Variants in PRMT8 observed in about 807,000 individuals in gnomAD.
PRMT8 encodes protein arginine methyltransferase 8.
In PRMT8, 7 loss-of-function variants were observed where a neutral mutation model predicts 47.1. The ratio of observed to expected loss-of-function variants is 0.15; its 90% CI spans 0.08 to 0.28. The LOEUF (loss-of-function observed/expected upper bound fraction) is 0.28, where lower values mean the gene tolerates loss of function less well. Among genes scored for constraint, PRMT8 ranks in the 10% least tolerant of loss-of-function variants. The pLI is 1.00. For missense variants in PRMT8, 237 were observed against 505.4 expected, an observed-to-expected ratio of 0.47 and a Z score of 5.09; for synonymous variants, 188 against 186.5, an observed-to-expected ratio of 1.01 and a Z score of -0.07.
chr12:3,535,260 C>T lies in PRMT8; in HGVS notation c.76-5346C>T, dbSNP rs928750487. 1.3e-5 allele frequency among the ~76,000 whole-genome samples: 2 copies of T among 152,190 alleles called. No individual in the cohort carries two copies. The highest frequency in any genetic ancestry group is 1.3e-4 in the Admixed American group (2 of 15,284). On this transcript the variant is annotated intron_variant, in intron 1 of 9. Coordinates refer to ENST00000382622, the MANE Select transcript of PRMT8 (RefSeq NM_019854.5). This position sits in a 1 kb window ranked among gnomAD's most constrained non-coding sequence, Gnocchi z 4.7. Reference sequence around the variant, plus strand: ...CTTTCATCTCTGCATTTAGTGGGCCCGAGGCCTGTTCACCCCAGTAGAGTG... The same window carrying T: ...CTTTCATCTCTGCATTTAGTGGGCCTGAGGCCTGTTCACCCCAGTAGAGTG...
At chr12:3,581,700 C>T (rs1867069277) in intron 7 of PRMT8, among the ~76,000 whole-genome samples, 1 of 152,182 alleles carries the variant, frequency 6.6e-6, no homozygotes. Flanking sequence ...CCACATTCCC[C>T]TAAACCTACA....
At chr12:3,536,905 T>G (rs1311244966) in intron 1 of PRMT8, among the ~76,000 whole-genome samples, 1 of 152,232 alleles carries the variant, frequency 6.6e-6, no homozygotes, top group Non-Finnish European at 1.5e-5. Flanking sequence ...GTTTAATGTC[T>G]CACTTTGTGG....
At chr12:3,528,065 C>T (rs1174489872) in intron 1 of PRMT8, among the ~76,000 whole-genome samples, 3 of 152,116 alleles carry the variant, frequency 2.0e-5, no homozygotes, top group Non-Finnish European at 4.4e-5. Context: ...CCCTCTACCC[C>T]TGCCACTTTT....
At chr12:3,477,490 G>A (rs9634150) in intron 1 of PRMT8, among the ~76,000 whole-genome samples, 115,388 of 152,206 alleles carry the variant, frequency 0.76, 44,007 homozygotes, top group Middle Eastern at 0.86. Flanking sequence ...CAAGCACCTG[G>A]ATTTTCTTGC....
intron 1 of PRMT8, among the ~76,000 whole-genome samples, chr12:3,413,296 G>A (rs1318759598): frequency 6.6e-6 from 1 of 152,186 alleles, no homozygotes; most frequent in African/African-American, 2.4e-5. Context: ...CTGCCATATA[G>A]GATGTGTCTT....
chr12:3,561,402 G>T (rs1038906681), intron 4 of PRMT8, among the ~76,000 whole-genome samples: 1 of 152,202 alleles, frequency 6.6e-6, no homozygotes, highest in Non-Finnish European at 1.5e-5. Context: ...TATCTGGTTG[G>T]TGGATGTTTT....
At chr12:3,484,525 T>G (rs1865304558) in intron 1 of PRMT8, among the ~76,000 whole-genome samples, 1 of 152,242 alleles carries the variant, frequency 6.6e-6, no homozygotes, top group South Asian at 2.1e-4. Context: ...AAAAGGAAAC[T>G]CACCTGTGTT....
At chr12:3,522,781 A>G (rs1865899552) in intron 1 of PRMT8, among the ~76,000 whole-genome samples, 2 of 150,036 alleles carry the variant, frequency 1.3e-5, no homozygotes, top group African/African-American at 4.9e-5. Flanking sequence ...AAACTGGAAA[A>G]CAAACAAACA....
In PRMT8 at chr12:3,572,458, ATG is replaced by A. The variant is rs1866863396; in HGVS notation, c.712+2895_712+2896del. ...TGCATGAATCTACACCCTGCTGAGA[ATG>A]AGAGAGATGGGCACCAGTTTCTTGG... On this transcript the variant is annotated intron_variant, in intron 6 of 9. Coordinates refer to ENST00000382622, the MANE Select transcript of PRMT8 (RefSeq NM_019854.5). The surrounding 1 kb of genome is among the most constrained non-coding windows in gnomAD (Gnocchi z 5.9). Among the ~76,000 whole-genome samples, 2 of 152,350 alleles carry A rather than the reference ATG, an allele frequency of 1.3e-5. No individual in the cohort carries two copies. Among genetic ancestry groups the A allele is most frequent in the African/African-American group, 4.8e-5 (2 of 41,594 alleles).
At chr12:3,479,201 A>G (rs1865248647) in intron 1 of PRMT8, among the ~76,000 whole-genome samples, 1 of 152,178 alleles carries the variant, frequency 6.6e-6, no homozygotes, top group African/African-American at 2.4e-5. Flanking sequence ...GTTTGAGAAA[A>G]CCAAGTGGGA....
At chr12:3,395,746 A>G (rs1338235213) in intron 1 of PRMT8, among the ~76,000 whole-genome samples, 3 of 149,850 alleles carry the variant, frequency 2.0e-5, no homozygotes, top group Admixed American at 6.6e-5. Flanking sequence ...TGCAGAGCTG[A>G]GTTCAATTCC....
rs1463800784 is a variant in PRMT8, at chr12:3,569,616, G to T, written c.712+52G>T. ...GACTTCCACTGCACAATTGGGGTGGGAGGCACTCCAGTGGGCCCGAGATGA... is the reference window on the plus strand; with the variant it reads ...GACTTCCACTGCACAATTGGGGTGGTAGGCACTCCAGTGGGCCCGAGATGA... On this transcript the variant is annotated intron_variant, in intron 6 of 9. Transcript: ENST00000382622. This position sits in a 1 kb window ranked among gnomAD's most constrained non-coding sequence, Gnocchi z 8.2. 1 of 1,468,014 alleles carries T rather than the reference G, an allele frequency of 6.8e-7. No homozygotes were observed. 90.9% of individuals were successfully genotyped at this position (1,468,014 alleles called of 1,614,324 possible).
At chr12:3,428,282 G>C (rs976229273) in intron 1 of PRMT8, among the ~76,000 whole-genome samples, 2 of 150,936 alleles carry the variant, frequency 1.3e-5, no homozygotes, top group African/African-American at 2.4e-5. Flanking sequence ...CCCTATACTT[G>C]AAGATTTTTA....
upstream of PRMT8, among the ~76,000 whole-genome samples, chr12:3,486,815 G>GT (rs1865327712): frequency 1.3e-5 from 2 of 152,212 alleles, no homozygotes; most frequent in Admixed American, 1.3e-4. Flanking sequence ...AAAGCAAATA[G>GT]TATCATATCC....
In PRMT8 at chr12:3,535,002, A is replaced by G. The variant is rs141753511; in HGVS notation, c.76-5604A>G. Among the ~76,000 whole-genome samples the G allele has an allele frequency of 1.6e-3, 240 of 152,384 alleles. No homozygotes were observed. The highest frequency in any genetic ancestry group is 5.5e-3 in the African/African-American group (227 of 41,598). On this transcript the variant is annotated intron_variant, in intron 1 of 9. Transcript: ENST00000382622. This position sits in a 1 kb window ranked among gnomAD's most constrained non-coding sequence, Gnocchi z 4.7. ...TGTCTATCTATAAAGTGCTTGGCGCAGCGCCTGGGGCGCAGTGGGCCCTTA... is the reference window on the plus strand; with the variant it reads ...TGTCTATCTATAAAGTGCTTGGCGCGGCGCCTGGGGCGCAGTGGGCCCTTA...
intron 4 of PRMT8, among the ~76,000 whole-genome samples, chr12:3,562,722 G>A (rs1866657728): frequency 6.6e-6 from 1 of 152,184 alleles, no homozygotes; most frequent in Non-Finnish European, 1.5e-5. Context: ...ATTGGCGGAT[G>A]CTACAAACCG....
intron 1 of PRMT8, among the ~76,000 whole-genome samples, chr12:3,498,487 C>G (rs1865542500): frequency 6.6e-6 from 1 of 152,204 alleles, no homozygotes; most frequent in Non-Finnish European, 1.5e-5. Flanking sequence ...GCCATCCTCA[C>G]TTTCACAGTC....
At chr12:3,521,375 A>T (rs1865879099) in intron 1 of PRMT8, among the ~76,000 whole-genome samples, 1 of 152,112 alleles carries the variant, frequency 6.6e-6, no homozygotes, top group African/African-American at 2.4e-5. Flanking sequence ...GGAGTACGAG[A>T]CCAGCCTGGC....
intron 1 of PRMT8, among the ~76,000 whole-genome samples, chr12:3,527,088 G>A (rs1355999424): frequency 6.6e-6 from 1 of 151,968 alleles, no homozygotes; most frequent in Non-Finnish European, 1.5e-5. Context: ...CATTTTGGGG[G>A]CAATCTATAA....
Sources: gnomAD v4.1 joint callset for allele counts (sites outside exome capture counted in the v4.1 genomes callset) on GRCh38, gnomAD v4.1.1 for gene constraint, Gnocchi (gnomAD v3.1) non-coding constraint, MANE v1.5 for transcripts, NCBI Gene and HGNC (gene_info 2026-07-23, HGNC 2026-07-21) for gene names.